TCTN1: variants seen among roughly 807,000 people sequenced by gnomAD.
TCTN1 encodes tectonic family member 1, also known as tectonic-1.
Under a neutral mutation model 65.8 loss-of-function variants are expected in TCTN1, and 58 were observed. The observed-to-expected ratio is 0.88, with a 90% CI of 0.71 to 1.10. The LOEUF (loss-of-function observed/expected upper bound fraction) is 1.10. Among genes scored for constraint, TCTN1 ranks in the 50% least tolerant of loss-of-function variants. The probability of loss-of-function intolerance (pLI) is 0.00; values close to 1 mark genes in which losing one functional copy is unlikely to be tolerated. For missense variants in TCTN1, 645 were observed against 719.4 expected, an observed-to-expected ratio of 0.90 and a Z score of 1.18; for synonymous variants, 273 against 289.1, an observed-to-expected ratio of 0.94 and a Z score of 0.57.
intron 14 of TCTN1, 57 bp from the exon 15 acceptor site, chr12:110,648,986 A>G (rs1015249313): frequency 2.2e-6 from 1 of 450,258 alleles, no homozygotes; most frequent in Non-Finnish European, 4.3e-6. Flanking sequence ...GCTTGAAAAT[A>G]AGAGACTTTT....
intron 1 of TCTN1, among the ~76,000 whole-genome samples, chr12:110,619,105 G>C (rs527325122): frequency 6.6e-6 from 1 of 152,222 alleles, no homozygotes; most frequent in Non-Finnish European, 1.5e-5. Flanking sequence ...TTGAACCCAG[G>C]AGGTGGAGGT....
intron 1 of TCTN1, among the ~76,000 whole-genome samples, chr12:110,617,718 G>C (rs2065142074): frequency 6.7e-6 from 1 of 150,372 alleles, no homozygotes; most frequent in Non-Finnish European, 1.5e-5. Flanking sequence ...TCGGCTCACT[G>C]CAAACTCTGC....
In TCTN1 at chr12:110,614,205, CGCTCCTGGTGGT is replaced by C. The variant is rs2135826994; in HGVS notation, c.32_43del (p.Val11_Leu14del). ...GAGATGAGGCCGCGAGGTCTCCCGCCGCTCCTGGTGGTGCTCCTGGGCTGCTGGGCCTCCGTG... is the reference window on the plus strand; with the variant it reads ...GAGATGAGGCCGCGAGGTCTCCCGCCGCTCCTGGGCTGCTGGGCCTCCGTG... On this transcript the variant is annotated inframe_deletion, in exon 1 of 15. Transcript: ENST00000397659. 4 of 1,576,014 alleles carry C rather than the reference CGCTCCTGGTGGT, an allele frequency of 2.5e-6. No homozygotes were observed. Among genetic ancestry groups the C allele is most frequent in the Non-Finnish European group, 3.4e-6 (4 of 1,161,844 alleles).
chr12:110,622,627 G>A (rs1435034072), intron 2 of TCTN1, among the ~76,000 whole-genome samples: 1 of 152,152 alleles, frequency 6.6e-6, no homozygotes, highest in African/African-American at 2.4e-5. Flanking sequence ...ACAGAGATGG[G>A]GGGATGTGGG....
At chr12:110,630,423 G>A (rs2066159391) in intron 4 of TCTN1, 1 of 152,174 alleles carries the variant, frequency 6.6e-6, no homozygotes, top group South Asian at 2.1e-4. Flanking sequence ...ATTGTATTTA[G>A]TTTTACAGAT....
intron 2 of TCTN1, among the ~76,000 whole-genome samples, chr12:110,624,955 A>G (rs533689097): frequency 5.1e-4 from 77 of 152,004 alleles, no homozygotes; most frequent in African/African-American, 1.8e-3. Context: ...CGGCCTCCCA[A>G]AGTGCTGGGA....
chr12:110,647,984 T>A, intron 14 of TCTN1, 91 bp downstream of exon 14: 1 of 1,581,498 alleles, frequency 6.3e-7, no homozygotes, highest in Non-Finnish European at 8.6e-7. Flanking sequence ...TACTGCATTT[T>A]ATACTTTTTG....
chr12:110,642,469 ATC>A (rs2067021155), intron 11 of TCTN1, 80 bp downstream of exon 11: 4 of 1,599,160 alleles, frequency 2.5e-6, no homozygotes, highest in Non-Finnish European at 3.4e-6. Context: ...TTTTAATCAA[ATC>A]TCTGCATCAG....
chr12:110,620,721 G>A (rs950506965), intron 2 of TCTN1, among the ~76,000 whole-genome samples: 1 of 151,320 alleles, frequency 6.6e-6, no homozygotes, highest in African/African-American at 2.4e-5. Flanking sequence ...GCATTGTATA[G>A]AACAATGAAA....
chr12:110,630,295 T>C (rs1364459534), intron 4 of TCTN1: 1 of 152,244 alleles, frequency 6.6e-6, no homozygotes, highest in African/African-American at 2.4e-5. Context: ...GATAAACTTG[T>C]ATTTTGTCTC....
At chr12:110,614,499 G>A (rs963468633) in intron 1 of TCTN1, 97 bp downstream of exon 1, 21 of 1,541,290 alleles carry the variant, frequency 1.4e-5, no homozygotes, top group Non-Finnish European at 1.7e-5. Context: ...CTCTTATTGA[G>A]CACTTACTGT....
intron 6 of TCTN1, among the ~76,000 whole-genome samples, chr12:110,635,310 A>G (rs1340566766): frequency 6.6e-6 from 1 of 152,196 alleles, no homozygotes; most frequent in Non-Finnish European, 1.5e-5. Context: ...ACTGGCCCAC[A>G]TGACAGATGA....
intron 13 of TCTN1, 59 bp from the exon 14 acceptor site, chr12:110,647,690 T>C (rs1444350520): frequency 2.5e-6 from 4 of 1,609,482 alleles, no homozygotes; most frequent in Non-Finnish European, 3.4e-6. Context: ...AAGTGTCTCA[T>C]TGTTGTCATT....
At chr12:110,636,013 C>T (rs917140068) in intron 6 of TCTN1, 62 of 181,256 alleles carry the variant, frequency 3.4e-4, no homozygotes, top group Non-Finnish European at 1.4e-4. Context: ...TGCAGCTCTA[C>T]TGGGGAGGCA....
chr12:110,627,885 A>G (rs759524559), intron 3 of TCTN1: 14 of 639,734 alleles, frequency 2.2e-5, no homozygotes, highest in Non-Finnish European at 3.0e-5. Context: ...TATTTTCAGA[A>G]TATCTTTATA....
intron 1 of TCTN1, among the ~76,000 whole-genome samples, chr12:110,618,809 G>A (rs986122360): frequency 6.6e-6 from 1 of 152,094 alleles, no homozygotes; most frequent in Non-Finnish European, 1.5e-5. Context: ...GACAGAATAA[G>A]ATAGAGAATT....
intron 7 of TCTN1, among the ~76,000 whole-genome samples, chr12:110,637,565 C>T (rs913164119): frequency 6.6e-6 from 1 of 152,010 alleles, no homozygotes; most frequent in Non-Finnish European, 1.5e-5. Flanking sequence ...GAAGTGGAAC[C>T]CTCTCTAGAG....
intron 4 of TCTN1, among the ~76,000 whole-genome samples, 191 bp from the exon 5 acceptor site, chr12:110,632,281 A>C (rs1322624779): frequency 3.9e-5 from 6 of 152,220 alleles, no homozygotes; most frequent in Non-Finnish European, 8.8e-5. Flanking sequence ...ATGCACATAC[A>C]GAAACACATC....
chr12:110,635,347 C>G (rs980567505), intron 6 of TCTN1, among the ~76,000 whole-genome samples: 2 of 152,136 alleles, frequency 1.3e-5, no homozygotes, highest in Non-Finnish European at 2.9e-5. Flanking sequence ...GGAAGAAGAC[C>G]TTTTTCAATG....
Sources: gnomAD v4.1 joint callset for allele counts (sites outside exome capture counted in the v4.1 genomes callset) on GRCh38, gnomAD v4.1.1 for gene constraint, MANE v1.5 for transcripts, NCBI Gene and HGNC (gene_info 2026-07-23, HGNC 2026-07-21) for gene names.